The following ALDH18A1 variants were observed in gnomAD, a reference collection of about 807,000 sequenced individuals.
The protein encoded by ALDH18A1 is aldehyde dehydrogenase 18 family member A1, also known as delta-1-pyrroline-5-carboxylate synthase.
ALDH18A1 carries 44 observed loss-of-function variants against 88.8 expected under a neutral mutation model. The ratio of observed to expected loss-of-function variants is 0.50; its 90% CI spans 0.39 to 0.64. The LOEUF is 0.64. Ranked by LOEUF, ALDH18A1 falls within the 30% of genes least tolerant of loss-of-function variation. ALDH18A1 has a pLI of 0.00. For synonymous variants in ALDH18A1, 331 were observed against 372.1 expected, an observed-to-expected ratio of 0.89 and a Z score of 1.27; for missense variants, 782 against 1,009.5, an observed-to-expected ratio of 0.77 and a Z score of 3.05.
Position 95,625,601 on chromosome 10 carries a change from TCACTTATTCCCAC to T in ALDH18A1, c.1153-159_1153-147del, listed in dbSNP as rs139646474. 25,381 of 689,430 alleles carry T rather than the reference TCACTTATTCCCAC, an allele frequency of 0.037. 642 individuals carry two copies. Among genetic ancestry groups the T allele is most frequent in the Non-Finnish European group, 0.048 (18,417 of 386,824 alleles). The allele number at this position is 689,430 out of a possible 1,614,324, so 42.7% of individuals were successfully genotyped here. A position where few individuals can be genotyped will look rare whatever the true frequency, so the allele number is the denominator to read the frequency against. On this transcript the variant is annotated intron_variant, in intron 10 of 17. Transcript: ENST00000371224. The stretch of plus-strand genomic sequence containing the variant: ...CCAGTTGAAATCTCCTGACTTCCCA[TCACTTATTCCCAC>T]CACTGCTCCCCTTATTTCTTCCTTC...
chr10:95,615,670 A>G (rs1229068023), intron 13 of ALDH18A1, among the ~76,000 whole-genome samples: 1 of 152,204 alleles, frequency 6.6e-6, no homozygotes, highest in East Asian at 1.9e-4. Flanking sequence ...GGCATAAGAA[A>G]AAAACCAGAT....
At chr10:95,655,895 A>G (rs1257260120) in intron 1 of ALDH18A1, among the ~76,000 whole-genome samples, 1 of 152,208 alleles carries the variant, frequency 6.6e-6, no homozygotes, top group Non-Finnish European at 1.5e-5. Context: ...CAGTCCCAGC[A>G]CAGTTCACCC....
At chr10:95,624,200 C>T (rs1444594795) in intron 11 of ALDH18A1, among the ~76,000 whole-genome samples, 2 of 152,204 alleles carry the variant, frequency 1.3e-5, no homozygotes, top group African/African-American at 2.4e-5. Flanking sequence ...GATTGCTAAG[C>T]CACGCTCATG....
At chr10:95,628,541 C>T (rs759691276) in intron 7 of ALDH18A1, 49 bp from the exon 8 acceptor site, 1 of 1,602,760 alleles carries the variant, frequency 6.2e-7, no homozygotes, top group Non-Finnish European at 8.5e-7. Context: ...GAAGTGTCTC[C>T]AAGACAGGCC....
rs2097874952 is a variant in ALDH18A1 at position 95,633,666 on chromosome 10, G to A, written c.559-17C>T. 6.2e-7 allele frequency: 1 copy of A among 1,613,630 alleles called. No individual in the cohort carries two copies. The highest frequency in any genetic ancestry group is 1.1e-5 in the South Asian group (1 of 91,070). ...CACCAAAATCTAAAAGGATTAAATA[G>A]ATGGAAAATGCATGAGGGAGAAAAA... On this transcript the variant is annotated splice_polypyrimidine_tract_variant and intron_variant, in intron 5 of 17. Transcript: ENST00000371224.
intron 1 of ALDH18A1, among the ~76,000 whole-genome samples, chr10:95,654,430 T>C (rs375875989): frequency 6.6e-5 from 10 of 152,106 alleles, no homozygotes; most frequent in East Asian, 5.8e-4. Flanking sequence ...CCCAATATTG[T>C]AGCTCTTTTT....
chr10:95,628,637 G>A, intron 7 of ALDH18A1, 145 bp from the exon 8 acceptor site: 4 of 950,162 alleles, frequency 4.2e-6, no homozygotes, highest in Non-Finnish European at 6.4e-6. Context: ...CAGAAAAAGA[G>A]AACAAGGGAT....
chr10:95,653,204 C>T (rs928258740), intron 2 of ALDH18A1, 86 bp downstream of exon 2: 2 of 1,283,192 alleles, frequency 1.6e-6, no homozygotes, highest in South Asian at 1.2e-5. Context: ...AACAAACAAA[C>T]ATCTTTTTTC....
At chr10:95,635,341 C>A (rs2097878598) in intron 5 of ALDH18A1, among the ~76,000 whole-genome samples, 1 of 152,090 alleles carries the variant, frequency 6.6e-6, no homozygotes, top group African/African-American at 2.4e-5. Context: ...AGGAAAAATA[C>A]CTGTCACCAA....
At chr10:95,633,369 A>G in intron 6 of ALDH18A1, 122 bp downstream of exon 6, 2 of 1,286,330 alleles carry the variant, frequency 1.6e-6, no homozygotes, top group Non-Finnish European at 2.2e-6. Context: ...TCACTGCTCC[A>G]TGACAAGTTT....
chr10:95,653,198 A>C, intron 2 of ALDH18A1, 92 bp downstream of exon 2: 1 of 1,263,962 alleles, frequency 7.9e-7, no homozygotes, highest in Non-Finnish European at 1.2e-6. Flanking sequence ...CAAACAAACA[A>C]ACAAACATCT....
chr10:95,635,332 G>A (rs888272139), intron 5 of ALDH18A1, among the ~76,000 whole-genome samples: 9 of 152,194 alleles, frequency 5.9e-5, no homozygotes, highest in African/African-American at 1.7e-4. Flanking sequence ...TAAAGGTCCA[G>A]GAAAAATACC....
intron 2 of ALDH18A1, among the ~76,000 whole-genome samples, chr10:95,652,197 A>T (rs2097911416): frequency 6.6e-6 from 1 of 152,228 alleles, no homozygotes; most frequent in African/African-American, 2.4e-5. Context: ...GACCAGATTA[A>T]TGTTGGCCAG....
chr10:95,642,441 C>T lies in ALDH18A1; in HGVS notation c.303+551G>A, dbSNP rs190353558. 1.6e-3 allele frequency among the ~76,000 whole-genome samples: 249 copies of T among 151,534 alleles called. 2 individuals carry two copies. Among genetic ancestry groups the T allele is most frequent in the African/African-American group, 5.7e-3 (235 of 41,496 alleles). On this transcript the variant is annotated intron_variant, in intron 3 of 17. Coordinates refer to ENST00000371224, the MANE Select transcript of ALDH18A1 (RefSeq NM_002860.4). Reference sequence around the variant, plus strand: ...CCAGCCTGAGCAACATAGCAAGACCCCTGTCTCTACGAAAAATACAAAAAT... The same window carrying T: ...CCAGCCTGAGCAACATAGCAAGACCTCTGTCTCTACGAAAAATACAAAAAT...
At chr10:95,649,660 A>G (rs1387146199) in intron 2 of ALDH18A1, among the ~76,000 whole-genome samples, 6 of 151,958 alleles carry the variant, frequency 3.9e-5, no homozygotes, top group African/African-American at 1.4e-4. Context: ...CAACCAAAAA[A>G]CTTTTTAAAA....
chr10:95,613,709 G>A, intron 15 of ALDH18A1, 33 bp downstream of exon 15: 1 of 1,613,612 alleles, frequency 6.2e-7, no homozygotes, highest in Non-Finnish European at 8.5e-7. Flanking sequence ...TTCTAAGACA[G>A]GAAGTAATGT....
chr10:95,627,384 A>T, intron 9 of ALDH18A1, 58 bp downstream of exon 9: 1 of 1,601,866 alleles, frequency 6.2e-7, no homozygotes. Flanking sequence ...ATCTCTAACT[A>T]AGCCAGGTGT....
intron 5 of ALDH18A1, among the ~76,000 whole-genome samples, chr10:95,633,888 C>T (rs548619979): frequency 7.0e-6 from 1 of 143,500 alleles, no homozygotes; most frequent in South Asian, 2.2e-4. Flanking sequence ...ATAATGTCTG[C>T]TCACTGCAAC....
intron 11 of ALDH18A1, among the ~76,000 whole-genome samples, chr10:95,623,601 T>C (rs11188405): frequency 0.078 from 11,778 of 151,874 alleles, 535 homozygotes; most frequent in African/African-American, 0.11. Context: ...GTTTTGCTCT[T>C]GTTGTCCAGA....
Sources: allele counts gnomAD v4.1 joint callset (sites outside exome capture counted in the v4.1 genomes callset), GRCh38; gene constraint gnomAD v4.1.1; transcripts MANE v1.5; gene names NCBI Gene and HGNC (gene_info 2026-07-23, HGNC 2026-07-21).